The following SYT9 variants were observed in gnomAD, a reference collection of about 807,000 sequenced individuals.
SYT9 encodes the protein synaptotagmin-9.
SYT9 carries 22 observed loss-of-function variants against 48.4 expected under a neutral mutation model. The observed-to-expected ratio is 0.45, with a 90% CI of 0.32 to 0.65. The LOEUF is 0.65. Ranked by LOEUF, SYT9 falls within the 30% of genes least tolerant of loss-of-function variation. The pLI, the probability that SYT9 is intolerant of heterozygous loss-of-function variation, is 0.03. For synonymous variants in SYT9, 265 were observed against 245.0 expected, an observed-to-expected ratio of 1.08 and a Z score of -0.76; for missense variants, 577 against 622.0, an observed-to-expected ratio of 0.93 and a Z score of 0.77.
intron 5 of SYT9, 63 bp downstream of exon 5, chr11:7,418,191 G>A (rs1847288214): frequency 4.5e-6 from 7 of 1,554,616 alleles, no homozygotes; most frequent in Admixed American, 1.8e-5. Flanking sequence ...GAAGGCAGAG[G>A]GGGAGCAGCA....
rs1847897145 is a variant in SYT9, at chr11:7,252,740, G to A, written c.145+409G>A. 6.6e-6 allele frequency among the ~76,000 whole-genome samples: 1 copy of A among 152,234 alleles called. No homozygotes were observed. The highest frequency in any genetic ancestry group is 2.4e-5 in the African/African-American group (1 of 41,470). ...GCCGAAGGAAACTCTGGGAAGTTGG[G>A]AGTTGGGGACGGCCCCGGGTTGGGG... On this transcript the variant is annotated intron_variant, in intron 1 of 6. Coordinates refer to ENST00000318881, the MANE Select transcript of SYT9 (RefSeq NM_175733.4). The surrounding 1 kb of genome is among the most constrained non-coding windows in gnomAD (Gnocchi z 6.3).
intron 3 of SYT9, among the ~76,000 whole-genome samples, chr11:7,389,903 A>T (rs368121422): frequency 2.6e-5 from 4 of 152,352 alleles, no homozygotes; most frequent in African/African-American, 7.2e-5. Flanking sequence ...AGACTTTGTG[A>T]TGTAAAATGA....
chr11:7,289,552 T>C (rs1393161581), intron 1 of SYT9, among the ~76,000 whole-genome samples: 2 of 152,244 alleles, frequency 1.3e-5, no homozygotes, highest in African/African-American at 4.8e-5. Flanking sequence ...AAGTGAAGAT[T>C]ACAGAAATGT....
chr11:7,444,461 G>A (rs1278549375), intron 6 of SYT9: 4 of 152,096 alleles, frequency 2.6e-5, no homozygotes, highest in Non-Finnish European at 5.9e-5. Flanking sequence ...CAGCTGCTGG[G>A]GCTCCTTGGA....
chr11:7,392,757 G>C (rs1846655406), intron 3 of SYT9, among the ~76,000 whole-genome samples: 1 of 151,930 alleles, frequency 6.6e-6, no homozygotes, highest in Non-Finnish European at 1.5e-5. Context: ...TTTTTCATTT[G>C]TACTGCCTAT....
At chr11:7,246,259 T>A (rs1236326311) in intron 1 of SYT9, among the ~76,000 whole-genome samples, 4 of 152,316 alleles carry the variant, frequency 2.6e-5, no homozygotes, top group South Asian at 2.1e-4. Context: ...CTTACCCCCA[T>A]GTGCTGTAAA....
intron 2 of SYT9, among the ~76,000 whole-genome samples, chr11:7,310,570 C>T (rs146339863): frequency 0.02 from 3,041 of 151,850 alleles, 40 homozygotes; most frequent in Non-Finnish European, 0.031. Context: ...CCTCAGCCTC[C>T]CAAGTAGCTG....
At chr11:7,412,219 G>C (rs148091230) in intron 3 of SYT9, among the ~76,000 whole-genome samples, 48 of 152,262 alleles carry the variant, frequency 3.2e-4, no homozygotes, top group Non-Finnish European at 4.9e-4. Context: ...GAATTATTGT[G>C]TTCCTTTGAA....
rs147709744 is a variant in SYT9, at chr11:7,298,233, T to G, written c.146-4806T>G. 1.7e-3 allele frequency among the ~76,000 whole-genome samples: 264 copies of G among 152,316 alleles called. 2 individuals are homozygous for G. Among genetic ancestry groups the G allele is most frequent in the African/African-American group, 5.9e-3 (247 of 41,582 alleles). On this transcript the variant is annotated intron_variant, in intron 1 of 6. Coordinates refer to ENST00000318881, the MANE Select transcript of SYT9 (RefSeq NM_175733.4). ...TTGGTTTTGTTTTTCTCGGTCTACG[T>G]TCAGGTACCTGTTCCTTGACTTTGC...
intron 1 of SYT9, among the ~76,000 whole-genome samples, chr11:7,264,372 CT>C (rs34360620): frequency 5.9e-5 from 9 of 151,576 alleles, no homozygotes; most frequent in African/African-American, 1.7e-4. Flanking sequence ...ATGTTCAGCT[CT>C]TTTTTTTGCA....
Position 7,466,996 on chromosome 11 carries a change from G to A in SYT9, c.*196G>A, listed in dbSNP as rs902850531. 25 of 629,254 alleles carry A rather than the reference G, an allele frequency of 4.0e-5. No homozygotes were observed. The highest frequency in any genetic ancestry group is 7.0e-5 in the Non-Finnish European group (25 of 355,932). The allele number at this position is 629,254 out of a possible 1,614,324, so 39.0% of individuals were successfully genotyped here. ...AATGGTCCAGCCACCTTCTGCAGGT[G>A]GCCCAAGGTGATGTGCTGCAGGGAA... On this transcript the variant is annotated 3_prime_UTR_variant, in exon 7 of 7. Transcript: ENST00000318881.
intron 4 of SYT9, among the ~76,000 whole-genome samples, 165 bp from the exon 5 acceptor site, chr11:7,417,792 T>C (rs922989256): frequency 6.6e-6 from 1 of 152,194 alleles, no homozygotes; most frequent in Non-Finnish European, 1.5e-5. Flanking sequence ...TTATCCTAAC[T>C]AGTTGCTCCC....
intron 1 of SYT9, among the ~76,000 whole-genome samples, chr11:7,266,279 C>G (rs545371145): frequency 1.0e-3 from 156 of 152,140 alleles, no homozygotes; most frequent in African/African-American, 3.1e-3. Flanking sequence ...CATCCTTCTT[C>G]TGGGGCTTTT....
chr11:7,315,697 C>T (rs938736698), intron 3 of SYT9, among the ~76,000 whole-genome samples: 3 of 152,108 alleles, frequency 2.0e-5, no homozygotes, highest in South Asian at 2.1e-4. Context: ...CTGGTGGGAA[C>T]GACTCCTAGG....
intron 1 of SYT9, among the ~76,000 whole-genome samples, chr11:7,239,343 G>T (rs1847716966): frequency 6.6e-6 from 1 of 152,118 alleles, no homozygotes; most frequent in Non-Finnish European, 1.5e-5. Flanking sequence ...ATCCTTTCTG[G>T]CTGGTGGCAG....
intron 1 of SYT9, among the ~76,000 whole-genome samples, chr11:7,268,268 T>C (rs1007852275): frequency 1.3e-5 from 2 of 151,988 alleles, no homozygotes; most frequent in Non-Finnish European, 2.9e-5. Flanking sequence ...AGAAGTGGAA[T>C]TGCTAGGCTT....
intron 3 of SYT9, among the ~76,000 whole-genome samples, chr11:7,324,227 TTTC>T (rs1382965834): frequency 6.6e-6 from 1 of 151,904 alleles, no homozygotes; most frequent in African/African-American, 2.4e-5. Context: ...TTCATAATTT[TTTC>T]TTCTTATTTC....
At chr11:7,462,486 A>C (rs1848253838) in intron 6 of SYT9, among the ~76,000 whole-genome samples, 1 of 152,234 alleles carries the variant, frequency 6.6e-6, no homozygotes, top group African/African-American at 2.4e-5. Context: ...AGGAAGTAAA[A>C]AAAAAATAGA....
Position 7,252,251 on chromosome 11 carries a change from G to T in SYT9, c.65G>T (p.Arg22Leu), listed in dbSNP as rs1198151366. The stretch of plus-strand genomic sequence containing the variant: ...CAGCTGCTGGCCGAGCTCTGTGCCC[G>T]TGGGGCCCTGGAGCACGACAGCTGC... ...ALQLLAELCA[R>L]GALEHDSCQD... Residue 22 changes from arginine to leucine, a missense_variant, in exon 1 of 7, where the codon CGT becomes CTT. Coordinates refer to ENST00000318881, the MANE Select transcript of SYT9 (RefSeq NM_175733.4). This position sits in a 1 kb window ranked among gnomAD's most constrained non-coding sequence, Gnocchi z 6.3. The T allele has an allele frequency of 1.3e-6, 2 of 1,505,922 alleles. No homozygotes were observed. Among genetic ancestry groups the T allele is most frequent in the African/African-American group, 1.4e-5 (1 of 68,992 alleles). The allele number at this position is 1,505,922 out of a possible 1,614,324, so 93.3% of individuals were successfully genotyped here. A position where few individuals can be genotyped will look rare whatever the true frequency, so the allele number is the denominator to read the frequency against.
Sources: allele counts gnomAD v4.1 joint callset (sites outside exome capture counted in the v4.1 genomes callset), GRCh38; gene constraint gnomAD v4.1.1; non-coding constraint Gnocchi (gnomAD v3.1); transcripts MANE v1.5; gene names NCBI Gene and HGNC (gene_info 2026-07-23, HGNC 2026-07-21).